The following NDUFAF6 variants were observed in gnomAD, a reference collection of about 807,000 sequenced individuals.
The protein encoded by NDUFAF6 is NADH:ubiquinone oxidoreductase complex assembly factor 6.
A neutral mutation model predicts 40.8 loss-of-function variants in NDUFAF6; 45 were observed. That is an observed-to-expected ratio of 1.10 (90% CI 0.87 to 1.42). NDUFAF6 has a LOEUF of 1.42. NDUFAF6 is among the 40% of genes most tolerant of loss of function. The probability of loss-of-function intolerance (pLI) is 0.00; values close to 1 mark genes in which losing one functional copy is unlikely to be tolerated. For missense variants in NDUFAF6, 435 were observed against 418.5 expected (o/e 1.04, Z -0.34); for synonymous variants, 185 against 155.9 (o/e 1.19, Z -1.39).
intron 2 of NDUFAF6, among the ~76,000 whole-genome samples, chr8:95,018,894 G>A (rs879907285): frequency 6.6e-6 from 1 of 152,170 alleles, no homozygotes; most frequent in Non-Finnish European, 1.5e-5. Flanking sequence ...TTGACTTAGG[G>A]GCTATGGCAT....
At chr8:94,946,345 C>T (rs1821988890) in intron 2 of NDUFAF6, among the ~76,000 whole-genome samples, 1 of 152,012 alleles carries the variant, frequency 6.6e-6, no homozygotes, top group African/African-American at 2.4e-5. Context: ...ATCTTGTTAG[C>T]ATAATTTATT....
chr8:94,932,949 G>T (rs1052319493), intron 1 of NDUFAF6, among the ~76,000 whole-genome samples: 4 of 152,168 alleles, frequency 2.6e-5, no homozygotes, highest in African/African-American at 9.7e-5. Flanking sequence ...GAGCACAATG[G>T]CTCATGACTG....
chr8:94,921,343 T>A (rs1018304572), intron 1 of NDUFAF6, among the ~76,000 whole-genome samples: 1 of 152,168 alleles, frequency 6.6e-6, no homozygotes, highest in Non-Finnish European at 1.5e-5. Context: ...CCTCAGTGTA[T>A]CTTACTAGCT....
At chr8:94,897,286 T>G (rs1563690270) in intron 1 of NDUFAF6, among the ~76,000 whole-genome samples, 4 of 152,214 alleles carry the variant, frequency 2.6e-5, no homozygotes, top group Non-Finnish European at 1.5e-5. Flanking sequence ...TTCCATACCC[T>G]TGACTATTAT....
intron 1 of NDUFAF6, among the ~76,000 whole-genome samples, chr8:94,899,124 C>G (rs1218887825): frequency 6.6e-6 from 1 of 152,216 alleles, no homozygotes; most frequent in African/African-American, 2.4e-5. Context: ...GTCTTGAACT[C>G]CTGACCTTAA....
chr8:95,039,058 C>CT (rs1472086165), intron 3 of NDUFAF6, among the ~76,000 whole-genome samples: 4 of 151,688 alleles, frequency 2.6e-5, no homozygotes, highest in African/African-American at 7.3e-5. Flanking sequence ...CTCACTGCAA[C>CT]TTTCACCTGC....
chr8:95,095,405 C>T (rs951978655), upstream of NDUFAF6, among the ~76,000 whole-genome samples: 18 of 152,068 alleles, frequency 1.2e-4, no homozygotes, highest in African/African-American at 2.7e-4. Flanking sequence ...AATCCTTGGC[C>T]GCTCTCTGTG....
downstream of NDUFAF6, among the ~76,000 whole-genome samples, chr8:95,058,940 G>T (rs950477880): frequency 6.6e-6 from 1 of 152,154 alleles, no homozygotes; most frequent in African/African-American, 2.4e-5. Flanking sequence ...CTACTAGGAA[G>T]GCTGAGGTGG....
At chr8:95,018,536 T>C (rs1455775651) in intron 2 of NDUFAF6, among the ~76,000 whole-genome samples, 2 of 150,220 alleles carry the variant, frequency 1.3e-5, no homozygotes, top group East Asian at 3.9e-4. Flanking sequence ...TTCCCTTTCC[T>C]CAAGGTGCTC....
chr8:94,963,006 G>C (rs1052206274), intron 1 of NDUFAF6, among the ~76,000 whole-genome samples: 1 of 151,626 alleles, frequency 6.6e-6, no homozygotes, highest in Admixed American at 6.6e-5. Flanking sequence ...GGCCAGGCTG[G>C]TCTGGAACTC....
At chr8:94,947,851 C>T (rs548627822) in intron 2 of NDUFAF6, among the ~76,000 whole-genome samples, 1 of 152,356 alleles carries the variant, frequency 6.6e-6, no homozygotes, top group South Asian at 2.1e-4. Context: ...GTCCTGGTTC[C>T]AGGCAGGGGC....
At chr8:95,025,582 T>C (rs972523450) in intron 1 of NDUFAF6, among the ~76,000 whole-genome samples, 1 of 152,200 alleles carries the variant, frequency 6.6e-6, no homozygotes, top group Non-Finnish European at 1.5e-5. Context: ...GCAAAGCAGA[T>C]TACGAGTAAT....
At chr8:95,019,514 G>A (rs1027647577) in intron 2 of NDUFAF6, among the ~76,000 whole-genome samples, 2 of 152,020 alleles carry the variant, frequency 1.3e-5, no homozygotes, top group South Asian at 2.1e-4. Context: ...GGAACATTTC[G>A]CAGGTATGCC....
At chr8:95,053,833 G>A (rs1400121573) in intron 8 of NDUFAF6, among the ~76,000 whole-genome samples, 1 of 150,818 alleles carries the variant, frequency 6.6e-6, no homozygotes, top group African/African-American at 2.4e-5. Flanking sequence ...TGCCATGTTG[G>A]CCAGGCTGGT....
At chr8:95,018,995 G>C (rs1047027872) in intron 2 of NDUFAF6, among the ~76,000 whole-genome samples, 1 of 152,094 alleles carries the variant, frequency 6.6e-6, no homozygotes, top group East Asian at 1.9e-4. Flanking sequence ...GGATAACTTG[G>C]AGTCATCTCA....
intron 2 of NDUFAF6, among the ~76,000 whole-genome samples, chr8:95,006,350 C>T (rs1184569057): frequency 2.6e-5 from 2 of 76,558 alleles, no homozygotes; most frequent in South Asian, 1.1e-3. Context: ...AGCAAGACTC[C>T]GTCTCAAAAA....
chr8:94,996,253 T>C (rs942066467), intron 2 of NDUFAF6, among the ~76,000 whole-genome samples: 1 of 152,186 alleles, frequency 6.6e-6, no homozygotes, highest in Non-Finnish European at 1.5e-5. Context: ...AATGCCACTC[T>C]CTTTTTCTGG....
chr8:95,039,643 C>G (rs1447326412), intron 3 of NDUFAF6, among the ~76,000 whole-genome samples: 2 of 150,602 alleles, frequency 1.3e-5, no homozygotes, highest in Non-Finnish European at 3.0e-5. Context: ...TATTTTTTTC[C>G]TAAAGATAGG....
intron 1 of NDUFAF6, chr8:94,939,735 C>A: frequency 7.4e-7 from 1 of 1,348,410 alleles, no homozygotes. Context: ...GTACTATGCA[C>A]ATGCTTTCAT....
Sources: allele counts gnomAD v4.1 joint callset (sites outside exome capture counted in the v4.1 genomes callset), GRCh38; gene constraint gnomAD v4.1.1; transcripts MANE v1.5; gene names NCBI Gene and HGNC (gene_info 2026-07-23, HGNC 2026-07-21).